The following MRTFB variants were observed in gnomAD, a reference collection of about 807,000 sequenced individuals.
MRTFB encodes myocardin-related transcription factor B.
In MRTFB, 29 loss-of-function variants were observed where a neutral mutation model predicts 104.2. The ratio of observed to expected loss-of-function variants is 0.28; its 90% CI spans 0.21 to 0.38. MRTFB has a LOEUF of 0.38. MRTFB is among the 10% of genes least tolerant of loss of function. The pLI, the probability that MRTFB is intolerant of heterozygous loss-of-function variation, is 1.00. For synonymous variants in MRTFB, 535 were observed against 519.5 expected (o/e 1.03, Z -0.41); for missense variants, 1,270 against 1,341.6 (o/e 0.95, Z 0.83).
At chr16:14,135,088 A>G (rs958617215) in intron 2 of MRTFB, among the ~76,000 whole-genome samples, 1 of 152,194 alleles carries the variant, frequency 6.6e-6, no homozygotes, top group Non-Finnish European at 1.5e-5. Flanking sequence ...CTCTCCAGCC[A>G]TACCCTTTTT....
intron 2 of MRTFB, among the ~76,000 whole-genome samples, chr16:14,124,199 G>C (rs1242264549): frequency 2.0e-5 from 3 of 152,186 alleles, no homozygotes; most frequent in Admixed American, 2.0e-4. Flanking sequence ...ATATAATCAT[G>C]TTATCTGCAA....
At chr16:14,108,339 C>T (rs966311876) in intron 2 of MRTFB, among the ~76,000 whole-genome samples, 2 of 152,206 alleles carry the variant, frequency 1.3e-5, no homozygotes, top group Non-Finnish European at 2.9e-5. Context: ...AGATGAACTT[C>T]TAGCGTTCAG....
chr16:14,029,795 G>A, the MRTFB span, among the ~76,000 whole-genome samples: 3 of 152,242 alleles, frequency 2.0e-5, no homozygotes, highest in East Asian at 5.8e-4. Context: ...CGCCCTGTGT[G>A]TTGCTTCCTG....
chr16:14,099,647 C>T (rs1248605439), intron 2 of MRTFB, among the ~76,000 whole-genome samples: 2 of 150,856 alleles, frequency 1.3e-5, no homozygotes, highest in East Asian at 3.9e-4. Flanking sequence ...CCATGCCCAG[C>T]CGTATTCTGC....
chr16:14,184,474 G>C (rs1045581095), intron 3 of MRTFB, among the ~76,000 whole-genome samples: 1 of 151,996 alleles, frequency 6.6e-6, no homozygotes, highest in Non-Finnish European at 1.5e-5. Flanking sequence ...CGCCCACCTC[G>C]GCCTACCAAA....
chr16:14,261,747 G>A lies in MRTFB; in HGVS notation c.*303G>A, dbSNP rs1035275586. 4.4e-5 allele frequency: 13 copies of A among 292,902 alleles called. No individual in the cohort carries two copies. In the East Asian group the frequency reaches 8.6e-4, roughly 19 times the overall value. The allele number at this position is 292,902 out of a possible 1,614,324, so 18.1% of individuals were successfully genotyped here. A position where few individuals can be genotyped will look rare whatever the true frequency, so the allele number is the denominator to read the frequency against. On this transcript the variant is annotated 3_prime_UTR_variant, in exon 17 of 17. Coordinates refer to ENST00000571589, the MANE Select transcript of MRTFB (RefSeq NM_001308142.2). ...AGTACCTTTAGATAAAAACAAAGAA[G>A]AGTAATATATGCAGCACAGTGACGT...
chr16:14,050,150 AAGAC>A, the MRTFB span, among the ~76,000 whole-genome samples: 142 of 150,826 alleles, frequency 9.4e-4, 1 homozygote, highest in African/African-American at 3.1e-3. Flanking sequence ...TATACCCAGA[AAGAC>A]AGACAGACAG....
At chr16:14,209,722 C>A (rs2041110040) in intron 3 of MRTFB, among the ~76,000 whole-genome samples, 1 of 152,118 alleles carries the variant, frequency 6.6e-6, no homozygotes, top group African/African-American at 2.4e-5. Flanking sequence ...GCAAAGATTA[C>A]TAAACTTTAA....
At chr16:14,194,874 C>T (rs762650675) in intron 3 of MRTFB, among the ~76,000 whole-genome samples, 1 of 151,930 alleles carries the variant, frequency 6.6e-6, no homozygotes, top group Non-Finnish European at 1.5e-5. Context: ...TGGTGATAGC[C>T]GTAAAGCTCC....
chr16:14,123,656 T>C (rs2036963630), intron 2 of MRTFB, among the ~76,000 whole-genome samples: 1 of 152,246 alleles, frequency 6.6e-6, no homozygotes, highest in Admixed American at 6.5e-5. Flanking sequence ...AGTACCATGC[T>C]GTTTTGGTTA....
chr16:14,252,156 AAGG>A (rs1365499778), intron 14 of MRTFB, 133 bp downstream of exon 14: 3 of 1,245,278 alleles, frequency 2.4e-6, no homozygotes, highest in East Asian at 4.7e-5. Flanking sequence ...ATAACTTGTG[AAGG>A]AGGAGCTCAG....
intron 3 of MRTFB, among the ~76,000 whole-genome samples, chr16:14,174,891 G>A (rs539141450): frequency 6.6e-6 from 1 of 152,154 alleles, no homozygotes; most frequent in Non-Finnish European, 1.5e-5. Context: ...GTTATTACAG[G>A]TGGGATTTAT....
chr16:14,081,991 A>G (rs2034441381), intron 2 of MRTFB, among the ~76,000 whole-genome samples: 1 of 152,132 alleles, frequency 6.6e-6, no homozygotes, highest in Non-Finnish European at 1.5e-5. Flanking sequence ...ATTCTTTAGG[A>G]AGTTTCTTCA....
intron 3 of MRTFB, among the ~76,000 whole-genome samples, chr16:14,195,950 A>C (rs529567270): frequency 3.9e-5 from 6 of 152,098 alleles, no homozygotes; most frequent in African/African-American, 1.4e-4. Context: ...TATTGTTTTA[A>C]CCTCTGCATT....
intron 3 of MRTFB, chr16:14,143,723 AT>A (rs1597054817): frequency 1.3e-5 from 2 of 151,630 alleles, no homozygotes; most frequent in East Asian, 3.9e-4. Flanking sequence ...TTTTTTTTAA[AT>A]TGTCTTAGTT....
intron 2 of MRTFB, among the ~76,000 whole-genome samples, chr16:14,136,348 A>G (rs887732522): frequency 6.6e-6 from 1 of 152,110 alleles, no homozygotes; most frequent in Non-Finnish European, 1.5e-5. Context: ...ACTACTTTTC[A>G]CATGTGTATT....
chr16:14,179,293 T>C (rs1406991368), intron 3 of MRTFB, among the ~76,000 whole-genome samples: 1 of 152,252 alleles, frequency 6.6e-6, no homozygotes, highest in Non-Finnish European at 1.5e-5. Flanking sequence ...GTTTATGCCA[T>C]CATGACTCAT....
chr16:14,216,306 T>C (rs528598765), intron 6 of MRTFB, among the ~76,000 whole-genome samples: 3 of 152,342 alleles, frequency 2.0e-5, no homozygotes, highest in South Asian at 4.1e-4. Context: ...ACTGTATAGC[T>C]TAAGAGGCAA....
the MRTFB span, among the ~76,000 whole-genome samples, chr16:14,016,899 T>C: frequency 6.6e-6 from 1 of 152,026 alleles, no homozygotes; most frequent in Non-Finnish European, 1.5e-5. Flanking sequence ...ATCATCACAT[T>C]CCCTTCATCA....
Sources: allele counts gnomAD v4.1 joint callset (sites outside exome capture counted in the v4.1 genomes callset), GRCh38; gene constraint gnomAD v4.1.1; transcripts MANE v1.5; gene names NCBI Gene and HGNC (gene_info 2026-07-23, HGNC 2026-07-21).